Variants in ANK3 observed in about 807,000 individuals in gnomAD.
ANK3 encodes the protein ankyrin 3.
In ANK3, 57 loss-of-function variants were observed where a neutral mutation model predicts 370.9. That is an observed-to-expected ratio of 0.15 (90% CI 0.12 to 0.19). ANK3 has a LOEUF of 0.19. ANK3 is among the 10% of genes least tolerant of loss of function. The pLI, the probability that ANK3 is intolerant of heterozygous loss-of-function variation, is 1.00. For synonymous variants in ANK3, 1,929 were observed against 1,946.3 expected (o/e 0.99, Z 0.23); for missense variants, 4,439 against 5,302.1 (o/e 0.84, Z 5.06).
chr10:60,322,097 A>G (rs934550402), intron 1 of ANK3, among the ~76,000 whole-genome samples: 2 of 152,206 alleles, frequency 1.3e-5, no homozygotes, highest in African/African-American at 4.8e-5. Flanking sequence ...ATATTTTTAT[A>G]ATAAAGACAT....
intron 2 of ANK3, among the ~76,000 whole-genome samples, chr10:60,502,097 T>A (rs2075816029): frequency 6.6e-6 from 1 of 152,180 alleles, no homozygotes. Context: ...GAAAATACTT[T>A]GACCAGAACT....
At position 60,070,920 on chromosome 10, in the gene ANK3, C is replaced by T. The variant is rs372719095; in HGVS notation, c.9961G>A (p.Glu3321Lys). ...ACTGGGACTGGCTGATAAATAGATT[C>T]GTCATCGCTTGAATCACTGACGTCT... ...GADVSDSSDD[E>K]SIYQPVPVKK... Residue 3321 changes from glutamate (E) to lysine (K), a missense_variant, in exon 37 of 44, where the codon GAA (glutamate) becomes AAA (lysine). Coordinates refer to ENST00000280772, the MANE Select transcript of ANK3 (RefSeq NM_020987.5). This position sits in a 1 kb window ranked among gnomAD's most constrained non-coding sequence, Gnocchi z 5.7. 15 of 1,613,894 alleles carry T rather than the reference C, an allele frequency of 9.3e-6. No individual in the cohort carries two copies. The highest frequency in any genetic ancestry group is 1.1e-5 in the Non-Finnish European group (13 of 1,179,994).
rs553171935 is a variant in ANK3 at position 60,720,106 on chromosome 10, C to T, written c.57+13157G>A. Among the ~76,000 whole-genome samples, 6 of 152,270 alleles carry T rather than the reference C, an allele frequency of 3.9e-5. No individual in the cohort carries two copies. The East Asian group carries it at 9.6e-4, about 24-fold the overall frequency. On this transcript the variant is annotated intron_variant, in intron 1 of 43. Transcript: ENST00000373827. ...AAAAGAATCTGATGTCCTTTTGCAA[C>T]AGAGAATTTGTGAGAAATGTCCCTT... is the stretch of plus-strand genomic sequence containing the variant.
At chr10:60,464,757 T>G (rs2064970775) in intron 2 of ANK3, among the ~76,000 whole-genome samples, 1 of 152,210 alleles carries the variant, frequency 6.6e-6, no homozygotes, top group African/African-American at 2.4e-5. Flanking sequence ...CAAATGTCAC[T>G]TTTAATTAGG....
intron 8 of ANK3, among the ~76,000 whole-genome samples, chr10:60,226,484 T>C (rs2097148716): frequency 1.3e-5 from 1 of 78,122 alleles, no homozygotes; most frequent in Admixed American, 1.3e-4. Context: ...ATATACTATA[T>C]ATATACATAT....
chr10:60,556,985 C>G (rs758300040), intron 2 of ANK3, among the ~76,000 whole-genome samples: 2 of 152,162 alleles, frequency 1.3e-5, no homozygotes, highest in Admixed American at 1.3e-4. Flanking sequence ...TTATGAGAAT[C>G]TAATGCCTGA....
intron 1 of ANK3, among the ~76,000 whole-genome samples, chr10:60,292,538 G>C (rs1409463127): frequency 6.6e-6 from 1 of 152,016 alleles, no homozygotes; most frequent in African/African-American, 2.4e-5. Context: ...TCCCCATTGA[G>C]TTAAAATAAG....
At chr10:60,041,861 C>T (rs1278669674) in intron 43 of ANK3, among the ~76,000 whole-genome samples, 1 of 152,176 alleles carries the variant, frequency 6.6e-6, no homozygotes, top group East Asian at 1.9e-4. Context: ...AGTATTCTGG[C>T]AAGCAGGGAA....
intron 17 of ANK3, chr10:60,186,505 A>C: frequency 1.6e-6 from 1 of 636,514 alleles, no homozygotes; most frequent in South Asian, 1.5e-5. Flanking sequence ...CCTGAGCCAG[A>C]GCAACTGGCG....
intron 23 of ANK3, chr10:60,140,617 A>C (rs981009008): frequency 1.4e-5 from 19 of 1,392,624 alleles, no homozygotes; most frequent in Middle Eastern, 2.0e-4. Context: ...TTTTTAAAAA[A>C]CCCCACTTAA....
intron 1 of ANK3, among the ~76,000 whole-genome samples, chr10:60,723,425 A>G (rs1472386571): frequency 2.0e-5 from 3 of 151,302 alleles, no homozygotes; most frequent in Non-Finnish European, 4.4e-5. Flanking sequence ...AGTGTAGATG[A>G]GACTCTTACA....
At chr10:60,102,525 C>G (rs905807337) in intron 28 of ANK3, among the ~76,000 whole-genome samples, 2 of 152,152 alleles carry the variant, frequency 1.3e-5, no homozygotes, top group African/African-American at 4.8e-5. Flanking sequence ...TGTGTAACTT[C>G]CATAAATCAT....
chr10:60,516,754 G>A (rs543574429), intron 2 of ANK3, among the ~76,000 whole-genome samples: 1 of 152,110 alleles, frequency 6.6e-6, no homozygotes, highest in South Asian at 2.1e-4. Flanking sequence ...CGCTAGTCTG[G>A]GCAACATAGC....
At chr10:60,499,582 A>C (rs2075745265) in intron 2 of ANK3, among the ~76,000 whole-genome samples, 1 of 152,204 alleles carries the variant, frequency 6.6e-6, no homozygotes, top group South Asian at 2.1e-4. Flanking sequence ...AGAAAACACC[A>C]CATTCATAAG....
chr10:60,323,075 G>A (rs1188286498), intron 1 of ANK3, among the ~76,000 whole-genome samples: 4 of 152,202 alleles, frequency 2.6e-5, no homozygotes, highest in South Asian at 2.1e-4. Flanking sequence ...TAATCTACCC[G>A]GGAGATGATC....
chr10:60,186,922 C>T lies in ANK3; in HGVS notation c.1888-10G>A. The T allele has an allele frequency of 6.2e-7, 1 of 1,613,744 alleles. No homozygotes were observed. The highest frequency in any genetic ancestry group is 8.5e-7 in the Non-Finnish European group (1 of 1,179,684). On this transcript the variant is annotated splice_polypyrimidine_tract_variant and intron_variant, in intron 16 of 43. Coordinates refer to ENST00000280772, the MANE Select transcript of ANK3 (RefSeq NM_020987.5). ...GTGGCGTATAACCATTCTGTCAACA[C>T]AAATCACTTGGTCACATGCCCAGGA...
intron 1 of ANK3, among the ~76,000 whole-genome samples, chr10:60,364,765 T>C (rs2059166843): frequency 6.6e-6 from 1 of 151,944 alleles, no homozygotes. Context: ...TGTTTCCTAA[T>C]GTAATGAGAA....
intron 2 of ANK3, among the ~76,000 whole-genome samples, chr10:60,535,166 G>A (rs1480421306): frequency 6.6e-6 from 1 of 152,098 alleles, no homozygotes; most frequent in Admixed American, 6.6e-5. Context: ...CATAGCACTT[G>A]TAGATTTAGA....
chr10:60,191,557 C>A (rs1357491616), intron 16 of ANK3, among the ~76,000 whole-genome samples: 1 of 152,042 alleles, frequency 6.6e-6, no homozygotes, highest in Non-Finnish European at 1.5e-5. Context: ...CAAATGGCTA[C>A]TATGAGAAGT....
Sources: gnomAD v4.1 joint callset for allele counts (sites outside exome capture counted in the v4.1 genomes callset) on GRCh38, gnomAD v4.1.1 for gene constraint, Gnocchi (gnomAD v3.1) non-coding constraint, MANE v1.5 for transcripts, NCBI Gene and HGNC (gene_info 2026-07-23, HGNC 2026-07-21) for gene names.